Variants in ZSCAN9 observed in about 807,000 individuals in gnomAD.
ZSCAN9 encodes zinc finger and SCAN domain-containing protein 9.
Under a neutral mutation model 23.0 loss-of-function variants are expected in ZSCAN9, and 19 were observed. The ratio of observed to expected loss-of-function variants is 0.83; its 90% CI spans 0.58 to 1.21. The LOEUF (loss-of-function observed/expected upper bound fraction) is 1.21, where lower values mean the gene tolerates loss of function less well. Ranked by LOEUF, ZSCAN9 falls within the 50% of genes most tolerant of loss-of-function variation. The pLI is 0.00. For missense variants in ZSCAN9, 467 were observed against 471.5 expected (o/e 0.99, Z 0.09); for synonymous variants, 155 against 164.8 (o/e 0.94, Z 0.46).
Position 28,227,278 on chromosome 6 carries a change from G to C in ZSCAN9, c.194G>C (p.Gly65Ala). The change falls in exon 2 of 4, where the codon GGA (glycine) becomes GCA (alanine). Residue 65 changes from glycine (G) to alanine (A), a missense_variant. Transcript: ENST00000252207. ...CAGCTGTGCTACCAAGAGACCCCTG[G>C]ACCAAGGGAGGCTCTTACTCGACTC... ...FRQLCYQETP[G>A]PREALTRLQE... is the part of the protein sequence containing the mutation. The C allele has an allele frequency of 6.2e-7, 1 of 1,614,176 alleles. No homozygotes were observed. The highest frequency in any genetic ancestry group is 8.5e-7 in the Non-Finnish European group (1 of 1,180,022).
rs190456575 is a variant in ZSCAN9 at position 28,231,259 on chromosome 6, G to T, written c.569-1303G>T. On this transcript the variant is annotated intron_variant, in intron 3 of 3. Coordinates refer to ENST00000252207, the MANE Select transcript of ZSCAN9 (RefSeq NM_006299.5). ...GGGCCATTATTAAGTAAAATAAGGG[G>T]TATGTAAACACAAGCACTGAGACAC... Among the ~76,000 whole-genome samples, 516 of 152,236 alleles carry T rather than the reference G, an allele frequency of 3.4e-3. 2 individuals are homozygous for T. Among genetic ancestry groups the T allele is most frequent in the Non-Finnish European group, 5.0e-3 (343 of 68,028 alleles).
intron 3 of ZSCAN9, among the ~76,000 whole-genome samples, chr6:28,231,885 A>C (rs888237495): frequency 3.3e-5 from 5 of 152,242 alleles, no homozygotes; most frequent in Non-Finnish European, 7.3e-5. Flanking sequence ...TAGAAGTTTA[A>C]TACTTGTTCT....
chr6:28,231,726 G>A (rs1029027152), intron 3 of ZSCAN9, among the ~76,000 whole-genome samples: 7 of 138,816 alleles, frequency 5.0e-5, no homozygotes, highest in African/African-American at 1.0e-4. Context: ...GTGAGACTCC[G>A]TCTCAAAAAA....
At position 28,227,499 on chromosome 6, in the gene ZSCAN9, C is replaced by T. The variant is rs369845821; in HGVS notation, c.415C>T (p.His139Tyr). The change falls in exon 2 of 4, where the codon CAT (histidine) becomes TAT (tyrosine). Residue 139 changes from histidine to tyrosine, a missense_variant. Transcript: ENST00000252207. ...GGAGAGAGAGCTCGATGAACCACAA[C>T]ATGAGGTAGGAAGGGAGATTTGCTA... ...DLERELDEPQ[H>Y]EMVAHRHRQE... 1 of 1,592,596 alleles carries T rather than the reference C, an allele frequency of 6.3e-7. No homozygotes were observed. Among genetic ancestry groups the T allele is most frequent in the African/African-American group, 1.4e-5 (1 of 73,832 alleles).
chr6:28,233,320 G>T lies in ZSCAN9; in HGVS notation c.*142G>T. 1 of 1,432,518 alleles carries T rather than the reference G, an allele frequency of 7.0e-7. No homozygotes were observed. The highest frequency in any genetic ancestry group is 9.2e-7 in the Non-Finnish European group (1 of 1,088,826). The allele number at this position is 1,432,518 out of a possible 1,614,324, so 88.7% of individuals were successfully genotyped here. A position where few individuals can be genotyped will look rare whatever the true frequency, so the allele number is the denominator to read the frequency against. On this transcript the variant is annotated 3_prime_UTR_variant, in exon 4 of 4. Transcript: ENST00000252207. ...TTAAGGCCCAGGGACTTCCTTAAAG[G>T]AAAGTTGGGTGTTTGAAGCTACTGT...
At chr6:28,229,465 T>C (rs1304729969) in intron 3 of ZSCAN9, among the ~76,000 whole-genome samples, 1 of 152,228 alleles carries the variant, frequency 6.6e-6, no homozygotes, top group Non-Finnish European at 1.5e-5. Context: ...AACAAGTGTT[T>C]ATTAAGCATC....
At position 28,227,423 on chromosome 6, in the gene ZSCAN9, G is replaced by A; in HGVS notation, c.339G>A (p.Arg113=). 1 of 1,614,176 alleles carries A rather than the reference G, an allele frequency of 6.2e-7. No homozygotes were observed. Among genetic ancestry groups the A allele is most frequent in the South Asian group, 1.1e-5 (1 of 91,080 alleles). ...CCAAGGAGCTCCAGGGCTGGGTGAGGGAACACTGTCCAGAGAGTGGAGAAG... is the reference window on the plus strand; with the variant it reads ...CCAAGGAGCTCCAGGGCTGGGTGAGAGAACACTGTCCAGAGAGTGGAGAAG... ...ILPKELQGWV[R]EHCPESGEEA... The change falls in exon 2 of 4, where the codon AGG becomes AGA. Residue 113 remains arginine (R), a synonymous_variant. Transcript: ENST00000252207.
chr6:28,232,503 C>T lies in ZSCAN9; in HGVS notation c.569-59C>T. 4 of 1,545,274 alleles carry T rather than the reference C, an allele frequency of 2.6e-6. No homozygotes were observed. In the South Asian group the frequency reaches 5.1e-5, roughly 20 times the overall value. ...TATGATATATTTTTATAGACATAGT[C>T]ACCTTCCCATAGGCTCAGGGAACAA... On this transcript the variant is annotated intron_variant, in intron 3 of 3. Transcript: ENST00000252207.
Position 28,227,346 on chromosome 6 carries a change from AAGG to A in ZSCAN9, c.265_267del (p.Glu89del), listed in dbSNP as rs746348172. 6.2e-7 allele frequency: 1 copy of A among 1,614,210 alleles called. No homozygotes were observed. The highest frequency in any genetic ancestry group is 8.5e-7 in the Non-Finnish European group (1 of 1,180,034). On this transcript the variant is annotated inframe_deletion, in exon 2 of 4. Coordinates refer to ENST00000252207, the MANE Select transcript of ZSCAN9 (RefSeq NM_006299.5). ...GTGGTTGAGGCCACATGTGAGCACA[AAGG>A]AGCAGATTTTGGATCTGCTGGTGCT...
chr6:28,232,463 G>T, intron 3 of ZSCAN9, 99 bp from the exon 4 acceptor site: 1 of 1,507,298 alleles, frequency 6.6e-7, no homozygotes, highest in Non-Finnish European at 8.8e-7. Context: ...TCTGTTTCTA[G>T]CCCACTTCCT....
rs1303543902 is a variant in ZSCAN9 at position 28,227,012 on chromosome 6, G to A, written c.-73G>A. On this transcript the variant is annotated splice_region_variant and 5_prime_UTR_variant, in exon 2 of 4. Transcript: ENST00000252207. ...TAAATAATTTATTTTTACTGCTTAGGCAAGCGCCTCCAAGGTTTGTCTTGA... is the reference window on the plus strand; with the variant it reads ...TAAATAATTTATTTTTACTGCTTAGACAAGCGCCTCCAAGGTTTGTCTTGA... 1.4e-6 allele frequency: 2 copies of A among 1,379,928 alleles called. No individual in the cohort carries two copies. The highest frequency in any genetic ancestry group is 2.0e-6 in the Non-Finnish European group (2 of 1,008,948). The allele number at this position is 1,379,928 out of a possible 1,614,324, so 85.5% of individuals were successfully genotyped here.
rs1760083316 is a variant in ZSCAN9 at position 28,225,296 on chromosome 6, A to AT, written c.-142dup. The stretch of plus-strand genomic sequence containing the variant: ...CGGCATCTTTGTTCCCTGCCCGGCC[A>AT]TTGTTCGTGCCGCGCTTCTAGCAAC... On this transcript the variant is annotated 5_prime_UTR_variant, in exon 1 of 4. Coordinates refer to ENST00000252207, the MANE Select transcript of ZSCAN9 (RefSeq NM_006299.5). The AT allele has an allele frequency of 6.6e-6, 1 of 151,848 alleles. No individual in the cohort carries two copies. Among genetic ancestry groups the AT allele is most frequent in the Non-Finnish European group, 1.5e-5 (1 of 68,020 alleles). 9.4% of individuals were successfully genotyped at this position (151,848 alleles called of 1,614,324 possible). A position where few individuals can be genotyped will look rare whatever the true frequency, so the allele number is the denominator to read the frequency against.
At position 28,227,746 on chromosome 6, in the gene ZSCAN9, A is replaced by C. The variant is rs1374048196; in HGVS notation, c.477A>C (p.Ala159=). 6.2e-7 allele frequency: 1 copy of C among 1,612,402 alleles called. No homozygotes were observed. Among genetic ancestry groups the C allele is most frequent in the African/African-American group, 1.3e-5 (1 of 74,818 alleles). ...TCTGTAAAGAGATGGTGCCTCTAGC[A>C]GAGCAGACACCACTGACCCTTCAGT... The part of the protein sequence containing the change: ...EVLCKEMVPL[A]EQTPLTLQSQ... Residue 159 remains alanine, a synonymous_variant, in exon 3 of 4, where the codon GCA becomes GCC. Coordinates refer to ENST00000252207, the MANE Select transcript of ZSCAN9 (RefSeq NM_006299.5).
chr6:28,225,675 G>T (rs189306607), intron 1 of ZSCAN9, among the ~76,000 whole-genome samples: 8 of 152,340 alleles, frequency 5.3e-5, no homozygotes, highest in Admixed American at 5.2e-4. Context: ...GACTTTGGCA[G>T]CCTTCACGAT....
At chr6:28,229,898 C>T (rs1190851275) in intron 3 of ZSCAN9, among the ~76,000 whole-genome samples, 2 of 150,964 alleles carry the variant, frequency 1.3e-5, no homozygotes, top group African/African-American at 4.9e-5. Context: ...CGCTCTGTCG[C>T]CCAGGCTGGA....
chr6:28,226,881 T>C (rs1266428394), intron 1 of ZSCAN9, 131 bp from the exon 2 acceptor site: 5 of 496,882 alleles, frequency 1.0e-5, no homozygotes, highest in Admixed American at 3.8e-5. Context: ...ATTTCCATTA[T>C]TTCCATCCTT....
In ZSCAN9 at chr6:28,233,222, G is replaced by A; in HGVS notation, c.*44G>A. 4 of 1,583,330 alleles carry A rather than the reference G, an allele frequency of 2.5e-6. No homozygotes were observed. The highest frequency in any genetic ancestry group is 1.2e-5 in the South Asian group (1 of 86,398). On this transcript the variant is annotated 3_prime_UTR_variant, in exon 4 of 4. Transcript: ENST00000252207. ...TTTTCCAGATCACCACCCAAGTTGT[G>A]TGGGGCAGGTTGAGACTAGAAAATG...
At position 28,233,307 on chromosome 6, in the gene ZSCAN9, G is replaced by A; in HGVS notation, c.*129G>A. 1 of 1,471,764 alleles carries A rather than the reference G, an allele frequency of 6.8e-7. No homozygotes were observed. The highest frequency in any genetic ancestry group is 1.4e-5 in the African/African-American group (1 of 71,224). The allele number at this position is 1,471,764 out of a possible 1,614,324, so 91.2% of individuals were successfully genotyped here. ...AACAAATCCTGACTTAAGGCCCAGG[G>A]ACTTCCTTAAAGGAAAGTTGGGTGT... On this transcript the variant is annotated 3_prime_UTR_variant, in exon 4 of 4. Coordinates refer to ENST00000252207, the MANE Select transcript of ZSCAN9 (RefSeq NM_006299.5).
At chr6:28,231,085 C>T (rs1468376091) in intron 3 of ZSCAN9, among the ~76,000 whole-genome samples, 2 of 151,976 alleles carry the variant, frequency 1.3e-5, no homozygotes, top group Non-Finnish European at 2.9e-5. Flanking sequence ...AATACTGAAC[C>T]CTGTATATAC....
Sources: gnomAD v4.1 joint callset for allele counts (sites outside exome capture counted in the v4.1 genomes callset) on GRCh38, gnomAD v4.1.1 for gene constraint, MANE v1.5 for transcripts, NCBI Gene and HGNC (gene_info 2026-07-23, HGNC 2026-07-21) for gene names.